The following DPP10 variants were observed in gnomAD, a reference collection of about 807,000 sequenced individuals.
The protein encoded by DPP10 is inactive dipeptidyl peptidase 10.
Under a neutral mutation model 120.9 loss-of-function variants are expected in DPP10, and 33 were observed. The observed-to-expected ratio is 0.27, with a 90% CI of 0.21 to 0.37. The LOEUF (loss-of-function observed/expected upper bound fraction) is 0.37, where lower values mean the gene tolerates loss of function less well. DPP10 is among the 10% of genes least tolerant of loss of function. The pLI is 1.00. For synonymous variants in DPP10, 337 were observed against 326.1 expected, an observed-to-expected ratio of 1.03 and a Z score of -0.36; for missense variants, 816 against 942.8, an observed-to-expected ratio of 0.87 and a Z score of 1.76.
chr2:115,697,773 C>T (rs1027803927), intron 7 of DPP10, among the ~76,000 whole-genome samples: 8 of 151,986 alleles, frequency 5.3e-5, no homozygotes, highest in Admixed American at 1.3e-4. Context: ...ATCACGAGGT[C>T]GGGAGATCGA....
chr2:115,629,689 G>A (rs1290228115), intron 5 of DPP10, among the ~76,000 whole-genome samples: 2 of 152,074 alleles, frequency 1.3e-5, no homozygotes, highest in African/African-American at 4.8e-5. Flanking sequence ...TTTTTGTCAG[G>A]TTTGTTGAAG....
intron 4 of DPP10, among the ~76,000 whole-genome samples, chr2:115,520,936 A>C (rs1311949368): frequency 2.0e-5 from 3 of 152,232 alleles, no homozygotes; most frequent in Non-Finnish European, 4.4e-5. Context: ...TGTAAATTGC[A>C]GTTCCAAACA....
At chr2:114,605,685 C>A (rs1292129095) in intron 1 of DPP10, among the ~76,000 whole-genome samples, 1 of 152,026 alleles carries the variant, frequency 6.6e-6, no homozygotes, top group African/African-American at 2.4e-5. Flanking sequence ...CAAGGGATAA[C>A]TGTAATCAAG....
intron 13 of DPP10, among the ~76,000 whole-genome samples, chr2:115,772,846 G>T (rs1681638589): frequency 6.6e-6 from 1 of 152,110 alleles, no homozygotes; most frequent in Non-Finnish European, 1.5e-5. Flanking sequence ...TTTTCATTGT[G>T]TTCAGTCGTT....
chr2:115,546,788 G>A (rs2079527719), intron 5 of DPP10, among the ~76,000 whole-genome samples: 1 of 152,116 alleles, frequency 6.6e-6, no homozygotes, highest in Non-Finnish European at 1.5e-5. Flanking sequence ...GGATGATATG[G>A]TGGACAGCAT....
At chr2:114,578,143 G>A (rs995356617) in intron 1 of DPP10, among the ~76,000 whole-genome samples, 1 of 152,092 alleles carries the variant, frequency 6.6e-6, no homozygotes, top group Admixed American at 6.6e-5. Flanking sequence ...GGAAAACCAT[G>A]GACATTTAGA....
intron 1 of DPP10, among the ~76,000 whole-genome samples, chr2:114,698,548 G>T (rs894497334): frequency 6.6e-6 from 1 of 152,096 alleles, no homozygotes; most frequent in Non-Finnish European, 1.5e-5. Context: ...GAGGGTCAAG[G>T]GGTCAAGTGT....
chr2:115,010,284 C>T (rs139269708), intron 1 of DPP10, among the ~76,000 whole-genome samples: 2 of 152,314 alleles, frequency 1.3e-5, no homozygotes, highest in Admixed American at 1.3e-4. Context: ...CAGTTGCTAT[C>T]TATCCAGTCA....
At chr2:114,746,488 AG>A (rs1229299320) in intron 1 of DPP10, among the ~76,000 whole-genome samples, 3 of 152,242 alleles carry the variant, frequency 2.0e-5, no homozygotes, top group Non-Finnish European at 4.4e-5. Flanking sequence ...CAAAGAAATC[AG>A]GGAACTAAAG....
At chr2:115,801,881 G>C (rs540975144) in intron 19 of DPP10, among the ~76,000 whole-genome samples, 1 of 152,112 alleles carries the variant, frequency 6.6e-6, no homozygotes, top group Non-Finnish European at 1.5e-5. Flanking sequence ...CAAGGATATT[G>C]GTCTAAAATT....
intron 1 of DPP10, among the ~76,000 whole-genome samples, chr2:114,967,507 G>A (rs765490246): frequency 9.2e-5 from 14 of 152,156 alleles, no homozygotes; most frequent in Non-Finnish European, 1.6e-4. Context: ...GGTATATCAA[G>A]ATAAGTGCAT....
chr2:115,819,074 T>C (rs1682545716), intron 21 of DPP10, among the ~76,000 whole-genome samples: 1 of 152,218 alleles, frequency 6.6e-6, no homozygotes, highest in African/African-American at 2.4e-5. Flanking sequence ...AATTAGGTTA[T>C]GCTAACCTCA....
intron 1 of DPP10, among the ~76,000 whole-genome samples, chr2:115,296,379 T>G (rs1369312717): frequency 6.6e-6 from 1 of 152,072 alleles, no homozygotes; most frequent in Non-Finnish European, 1.5e-5. Context: ...CGCCAATGGC[T>G]TTTTACTATT....
chr2:115,415,857 A>ATATG (rs2069363415), intron 3 of DPP10, among the ~76,000 whole-genome samples: 2 of 135,198 alleles, frequency 1.5e-5, no homozygotes, highest in Admixed American at 1.4e-4. Flanking sequence ...ATATATATAT[A>ATATG]TATATATATA....
chr2:115,533,638 A>C (rs901291443), intron 5 of DPP10, among the ~76,000 whole-genome samples: 1 of 152,086 alleles, frequency 6.6e-6, no homozygotes, highest in African/African-American at 2.4e-5. Context: ...GGGGGAGTAC[A>C]TAATCTGGTT....
chr2:114,550,099 C>G (rs1390901273), intron 1 of DPP10, among the ~76,000 whole-genome samples: 2 of 152,156 alleles, frequency 1.3e-5, no homozygotes, highest in Admixed American at 1.3e-4. Context: ...ATTGCCACTG[C>G]CTTAGCTTCT....
At chr2:114,954,097 T>TTTC (rs1698014225) in intron 1 of DPP10, among the ~76,000 whole-genome samples, 3 of 150,470 alleles carry the variant, frequency 2.0e-5, no homozygotes, top group East Asian at 1.9e-4. Flanking sequence ...TTTTTTTTTT[T>TTTC]TGATACAGAG....
intron 1 of DPP10, among the ~76,000 whole-genome samples, chr2:115,173,988 CTT>C (rs2053537676): frequency 6.6e-6 from 1 of 152,108 alleles, no homozygotes; most frequent in Non-Finnish European, 1.5e-5. Flanking sequence ...ATAGAAATAA[CTT>C]TGGATTGTCT....
At chr2:115,442,941 G>A (rs1417585371) in intron 3 of DPP10, among the ~76,000 whole-genome samples, 2 of 152,202 alleles carry the variant, frequency 1.3e-5, no homozygotes, top group Admixed American at 6.5e-5. Flanking sequence ...CCTAGGGATA[G>A]CATGGTCTGG....
Sources: gnomAD v4.1 joint callset for allele counts (sites outside exome capture counted in the v4.1 genomes callset) on GRCh38, gnomAD v4.1.1 for gene constraint, MANE v1.5 for transcripts, NCBI Gene and HGNC (gene_info 2026-07-23, HGNC 2026-07-21) for gene names.